The following TRIM54 variants were observed in gnomAD, a reference collection of about 807,000 sequenced individuals.
TRIM54 encodes tripartite motif-containing protein 54.
A neutral mutation model predicts 42.0 loss-of-function variants in TRIM54; 40 were observed. That is an observed-to-expected ratio of 0.95 (90% CI 0.74 to 1.24). TRIM54 has a LOEUF of 1.24. Ranked by LOEUF, TRIM54 falls within the 50% of genes most tolerant of loss-of-function variation. TRIM54 has a pLI of 0.00. For missense variants in TRIM54, 485 were observed against 480.3 expected (o/e 1.01, Z -0.09); for synonymous variants, 199 against 194.9 (o/e 1.02, Z -0.17).
At chr2:27,302,013 G>C (rs1464265451) in intron 3 of TRIM54, among the ~76,000 whole-genome samples, 1 of 152,182 alleles carries the variant, frequency 6.6e-6, no homozygotes, top group Non-Finnish European at 1.5e-5. Context: ...AATTAGCCAG[G>C]TGTGGTGGCA....
intron 1 of TRIM54, among the ~76,000 whole-genome samples, chr2:27,286,348 T>A (rs1288138988): frequency 1.7e-4 from 26 of 152,142 alleles, no homozygotes; most frequent in Non-Finnish European, 1.0e-4. Context: ...AATGTAATTC[T>A]TTTTAGAGCT....
chr2:27,283,784 G>GCGCACACACACACACACACA (rs367621533), intron 1 of TRIM54, among the ~76,000 whole-genome samples: 1 of 132,166 alleles, frequency 7.6e-6, no homozygotes, highest in African/African-American at 3.0e-5. Flanking sequence ...ACACACGCGC[G>GCGCACACACACACACACACA]CACACACACA....
At chr2:27,292,000 C>G (rs1177809584) in intron 1 of TRIM54, among the ~76,000 whole-genome samples, 1 of 152,216 alleles carries the variant, frequency 6.6e-6, no homozygotes, top group Non-Finnish European at 1.5e-5. Flanking sequence ...AGCTCACACA[C>G]TCCCGATTTC....
At position 27,306,109 on chromosome 2, in the gene TRIM54, A is replaced by G. The variant is rs995544158; in HGVS notation, c.866+7A>G. 4.3e-6 allele frequency: 7 copies of G among 1,613,882 alleles called. No homozygotes were observed. In the African/African-American group the frequency reaches 8.0e-5, roughly 18 times the overall value. On this transcript the variant is annotated splice_region_variant and intron_variant, in intron 6 of 8. Coordinates refer to ENST00000380075, the MANE Select transcript of TRIM54 (RefSeq NM_187841.3). This position sits in a 1 kb window ranked among gnomAD's most constrained non-coding sequence, Gnocchi z 6.1. The stretch of plus-strand genomic sequence containing the variant: ...CCAAGGAGCTGATCAATAAGTGAGT[A>G]GGCATAGCGGGAAGGGAAAGGAGGG...
rs575023022 is a variant in TRIM54, at chr2:27,283,788, A to G, written c.168+889A>G. Among the ~76,000 whole-genome samples, 198 of 136,094 alleles carry G rather than the reference A, an allele frequency of 1.5e-3. 1 individual carries two copies. Among genetic ancestry groups the G allele is most frequent in the South Asian group, 2.1e-3 (9 of 4,226 alleles). The allele number at this position is 136,094 out of a possible 152,430, so 89.3% of individuals were successfully genotyped here. A position where few individuals can be genotyped will look rare whatever the true frequency, so the allele number is the denominator to read the frequency against. ...GGCACACACACACACACGCGCGCACACACACACACACACACACACACACAC... is the reference window on the plus strand; with the variant it reads ...GGCACACACACACACACGCGCGCACGCACACACACACACACACACACACAC... On this transcript the variant is annotated intron_variant, in intron 1 of 8. Transcript: ENST00000380075.
intron 1 of TRIM54, among the ~76,000 whole-genome samples, chr2:27,284,079 GC>G (rs1326205277): frequency 6.6e-6 from 1 of 152,142 alleles, no homozygotes; most frequent in Non-Finnish European, 1.5e-5. Flanking sequence ...GTTGCCTTGA[GC>G]CGAGATCATG....
At position 27,297,872 on chromosome 2, in the gene TRIM54, T is replaced by G. The variant is rs187056133; in HGVS notation, c.169-695T>G. Among the ~76,000 whole-genome samples the G allele has an allele frequency of 3.2e-4, 48 of 149,762 alleles. 1 individual carries two copies. The East Asian group carries it at 4.9e-3, about 15-fold the overall frequency. ...GGCACACACCTCTAGTCCCAGCTAC[T>G]CAGAAGACTGAGATGGGAGGATTGC... On this transcript the variant is annotated intron_variant, in intron 1 of 8. Transcript: ENST00000380075.
rs2148189282 is a variant in TRIM54 at position 27,287,653 on chromosome 2, A to G, written c.168+4754A>G. Among the ~76,000 whole-genome samples the G allele has an allele frequency of 2.0e-5, 3 of 152,122 alleles. 1 individual carries two copies. The South Asian group carries it at 6.2e-4, about 32-fold the overall frequency. On this transcript the variant is annotated intron_variant, in intron 1 of 8. Coordinates refer to ENST00000380075, the MANE Select transcript of TRIM54 (RefSeq NM_187841.3). ...GTCCTTCTGCCTCAGCCTTTCGTGT[A>G]GCTAGGATTACAGGCATGTACCACC...
intron 1 of TRIM54, among the ~76,000 whole-genome samples, chr2:27,289,447 G>A (rs898632191): frequency 3.9e-5 from 6 of 152,004 alleles, no homozygotes; most frequent in Admixed American, 2.6e-4. Context: ...CTCCCAAGTC[G>A]CTGGGATTAC....
rs901449656 is a variant in TRIM54, at chr2:27,304,144, C to T, written c.514-815C>T. On this transcript the variant is annotated intron_variant, in intron 3 of 8. Coordinates refer to ENST00000380075, the MANE Select transcript of TRIM54 (RefSeq NM_187841.3). The stretch of plus-strand genomic sequence containing the variant: ...GGAGGATCACCTGAGCCTGGAAGGT[C>T]GAGGCTGCAGTGAACTGAGATCGAG... 5.9e-5 allele frequency among the ~76,000 whole-genome samples: 9 copies of T among 151,434 alleles called. No individual in the cohort carries two copies. In the East Asian group the frequency reaches 7.9e-4, roughly 13 times the overall value.
chr2:27,302,117 G>T (rs962525658), intron 3 of TRIM54, among the ~76,000 whole-genome samples: 2 of 151,854 alleles, frequency 1.3e-5, no homozygotes, highest in Non-Finnish European at 2.9e-5. Flanking sequence ...TTGCGCTATT[G>T]CATTCCAGCC....
Position 27,282,498 on chromosome 2 carries a change from A to G in TRIM54, c.-234A>G. On this transcript the variant is annotated 5_prime_UTR_variant, in exon 1 of 9. Coordinates refer to ENST00000380075, the MANE Select transcript of TRIM54 (RefSeq NM_187841.3). ...AACAAAAGGAGAATTTTACAGAGAG[A>G]GAGGGATAGCTAAAACTACGTGAGC... 2.7e-6 allele frequency: 1 copy of G among 366,578 alleles called. No individual in the cohort carries two copies. The highest frequency in any genetic ancestry group is 7.2e-5 in the South Asian group (1 of 13,960). 22.7% of individuals were successfully genotyped at this position (366,578 alleles called of 1,614,324 possible). A position where few individuals can be genotyped will look rare whatever the true frequency, so the allele number is the denominator to read the frequency against.
chr2:27,306,793 A>T lies in TRIM54; in HGVS notation c.*2-94A>T. Reference sequence around the variant, plus strand: ...GCAGGCAAGGCAGGCTGAGTAGAGGAGAAACCCACGTGGCGGGGGACGGAG... The same window carrying T: ...GCAGGCAAGGCAGGCTGAGTAGAGGTGAAACCCACGTGGCGGGGGACGGAG... On this transcript the variant is annotated intron_variant, in intron 8 of 8. Coordinates refer to ENST00000380075, the MANE Select transcript of TRIM54 (RefSeq NM_187841.3). The surrounding 1 kb of genome is among the most constrained non-coding windows in gnomAD (Gnocchi z 6.1). The T allele has an allele frequency of 1.8e-6, 1 of 550,518 alleles. No homozygotes were observed. Among genetic ancestry groups the T allele is most frequent in the Non-Finnish European group, 3.2e-6 (1 of 312,750 alleles). 34.1% of individuals were successfully genotyped at this position (550,518 alleles called of 1,614,324 possible).
intron 1 of TRIM54, among the ~76,000 whole-genome samples, chr2:27,287,666 G>A (rs994969674): frequency 6.6e-6 from 1 of 151,966 alleles, no homozygotes; most frequent in Non-Finnish European, 1.5e-5. Flanking sequence ...TAGGATTACA[G>A]GCATGTACCA....
intron 4 of TRIM54, 96 bp from the exon 5 acceptor site, chr2:27,305,488 G>T (rs1679168606): frequency 2.0e-6 from 2 of 1,012,184 alleles, no homozygotes; most frequent in African/African-American, 3.2e-5. Context: ...CTACGGATGG[G>T]TCACTTTCTG....
At position 27,306,489 on chromosome 2, in the gene TRIM54, A is replaced by ACCAC; in HGVS notation, c.1026_1027insCACC (p.Gly343HisfsTer113). 1 of 1,585,868 alleles carries ACCAC rather than the reference A, an allele frequency of 6.3e-7. No homozygotes were observed. Among genetic ancestry groups the ACCAC allele is most frequent in the Non-Finnish European group, 8.6e-7 (1 of 1,165,708 alleles). On this transcript the variant is annotated frameshift_variant, in exon 8 of 9. Transcript: ENST00000380075. LOFTEE classifies it high-confidence loss of function. The surrounding 1 kb of genome is among the most constrained non-coding windows in gnomAD (Gnocchi z 6.1). Reference sequence around the variant, plus strand: ...GGGGAGGAAGAGGAGGTGGCCCCAGACGGAGAGGAGGGCAGCGCGGGGCCG... The same window carrying ACCAC: ...GGGGAGGAAGAGGAGGTGGCCCCAGACCACCGGAGAGGAGGGCAGCGCGGGGCCG...
chr2:27,297,487 T>C (rs1678897526), intron 1 of TRIM54, among the ~76,000 whole-genome samples: 1 of 152,206 alleles, frequency 6.6e-6, no homozygotes. Flanking sequence ...GAGGAAGTGA[T>C]GGGTGTCTGT....
At chr2:27,292,490 C>T (rs926786238) in intron 1 of TRIM54, among the ~76,000 whole-genome samples, 4 of 152,080 alleles carry the variant, frequency 2.6e-5, no homozygotes, top group East Asian at 1.9e-4. Context: ...GAGGATCCCT[C>T]GATCCCAGGA....
intron 1 of TRIM54, among the ~76,000 whole-genome samples, chr2:27,284,132 CAAAAA>C (rs1471656049): frequency 1.3e-5 from 2 of 151,774 alleles, no homozygotes; most frequent in Non-Finnish European, 2.9e-5. Context: ...GACTCCATCT[CAAAAA>C]AACAAAAACA....
Sources: allele counts gnomAD v4.1 joint callset (sites outside exome capture counted in the v4.1 genomes callset), GRCh38; gene constraint gnomAD v4.1.1; non-coding constraint Gnocchi (gnomAD v3.1); transcripts MANE v1.5; gene names NCBI Gene and HGNC (gene_info 2026-07-23, HGNC 2026-07-21).